DENND4A: variants seen among roughly 807,000 people sequenced by gnomAD.
The protein encoded by DENND4A is DENN domain containing 4A.
A neutral mutation model predicts 199.3 loss-of-function variants in DENND4A; 70 were observed. That is an observed-to-expected ratio of 0.35 (90% confidence interval 0.29 to 0.43). The LOEUF (loss-of-function observed/expected upper bound fraction) is 0.43. DENND4A is among the 20% of genes least tolerant of loss of function. The probability of loss-of-function intolerance (pLI) is 1.00; values close to 1 mark genes in which losing one functional copy is unlikely to be tolerated. For synonymous variants in DENND4A, 686 were observed against 766.9 expected (o/e 0.89, Z 1.74); for missense variants, 1,723 against 2,255.8 (o/e 0.76, Z 4.78).
intron 21 of DENND4A, chr15:65,696,993 A>G: frequency 3.0e-6 from 1 of 336,916 alleles, no homozygotes; most frequent in South Asian, 3.7e-5. Context: ...AGAAATGTAT[A>G]TACAGTTCTA....
chr15:65,665,534 TA>T, intron 29 of DENND4A, 72 bp from the exon 30 acceptor site: 1 of 1,208,592 alleles, frequency 8.3e-7, no homozygotes, highest in Non-Finnish European at 1.1e-6. Flanking sequence ...ATAAAATTCT[TA>T]TAAATATTTT....
At position 65,701,081 on chromosome 15, in the gene DENND4A, G is replaced by A; in HGVS notation, c.2671C>T (p.His891Tyr). 1 of 1,608,646 alleles carries A rather than the reference G, an allele frequency of 6.2e-7. No homozygotes were observed. Among genetic ancestry groups the A allele is most frequent in the South Asian group, 1.1e-5 (1 of 89,452 alleles). Residue 891 changes from histidine to tyrosine, a missense_variant, in exon 19 of 33, where the codon CAT (histidine) becomes TAT (tyrosine). His to Tyr is a moderately conservative substitution (Grantham distance 83). Around this residue, in one of 6 missense-constraint regions of DENND4A, gnomAD observed 650 missense variants for 738.1 expected, o/e 0.88. Transcript: ENST00000443035. ...AGAGTTGTTTGTGATAAGTGTGCAT[G>A]CTTCTTTAAAGCTCTTTTGAACTGT... is the stretch of plus-strand genomic sequence containing the variant. ...VTQFKRALKKHAHLSQTTLSA... is the reference protein window; with the variant it reads ...VTQFKRALKKYAHLSQTTLSA...
At chr15:65,719,022 C>T (rs765823199) in intron 12 of DENND4A, among the ~76,000 whole-genome samples, 12 of 151,522 alleles carry the variant, frequency 7.9e-5, no homozygotes, top group African/African-American at 2.7e-4. Context: ...TCAGGTGATC[C>T]GCCTACCTTG....
intron 19 of DENND4A, 99 bp downstream of exon 19, chr15:65,700,952 A>C: frequency 7.4e-7 from 1 of 1,350,354 alleles, no homozygotes; most frequent in Non-Finnish European, 1.0e-6. Flanking sequence ...CTAAAAACTA[A>C]AACATTCAAT....
chr15:65,686,575 T>G (rs1318771065), intron 23 of DENND4A, among the ~76,000 whole-genome samples: 1 of 152,300 alleles, frequency 6.6e-6, no homozygotes, highest in East Asian at 1.9e-4. Flanking sequence ...ATAATCAATA[T>G]TTTTCAGAGA....
chr15:65,752,332 C>G (rs2140622524), intron 4 of DENND4A, 47 bp downstream of exon 4: 3 of 323,888 alleles, frequency 9.3e-6, no homozygotes, highest in Non-Finnish European at 1.7e-5. Flanking sequence ...TAAAATTATG[C>G]TCTTTTCATC....
At chr15:65,701,308 T>A in intron 18 of DENND4A, 116 bp from the exon 19 acceptor site, 1 of 878,230 alleles carries the variant, frequency 1.1e-6, no homozygotes, top group Non-Finnish European at 1.6e-6. Context: ...GGCTCATGCC[T>A]GTAATCCCAG....
chr15:65,775,505 G>A (rs1465837627), intron 1 of DENND4A, among the ~76,000 whole-genome samples: 1 of 151,306 alleles, frequency 6.6e-6, no homozygotes, highest in African/African-American at 2.4e-5. Flanking sequence ...GCCGGGTGTG[G>A]TGATGCATGC....
At chr15:65,736,095 T>G (rs1168996734) in intron 7 of DENND4A, among the ~76,000 whole-genome samples, 1 of 152,170 alleles carries the variant, frequency 6.6e-6, no homozygotes, top group Non-Finnish European at 1.5e-5. Flanking sequence ...GGGGGTGATA[T>G]TAACAAATGT....
intron 32 of DENND4A, 119 bp from the exon 33 acceptor site, chr15:65,662,106 A>T: frequency 1.2e-6 from 1 of 806,960 alleles, no homozygotes; most frequent in Non-Finnish European, 1.9e-6. Flanking sequence ...AATTGCTAGG[A>T]CATTTCTTTA....
chr15:65,667,730 G>A lies in DENND4A; in HGVS notation c.4987-27C>T, dbSNP rs149498131. The A allele has an allele frequency of 3.1e-3, 4,971 of 1,589,966 alleles. 12 individuals carry two copies. Among genetic ancestry groups the A allele is most frequent in the Admixed American group, 4.5e-3 (244 of 54,696 alleles). ...TGTTGAATAAATAAAAACCATAAAT[G>A]GCAAATGCAAAATAATACTAAGCCA... On this transcript the variant is annotated intron_variant, in intron 28 of 32. Coordinates refer to ENST00000443035, the MANE Select transcript of DENND4A (RefSeq NM_001320835.1).
chr15:65,774,834 T>C (rs938377386), intron 1 of DENND4A, among the ~76,000 whole-genome samples: 1 of 150,934 alleles, frequency 6.6e-6, no homozygotes, highest in Non-Finnish European at 1.5e-5. Flanking sequence ...TAAAAAAAAA[T>C]TTTGTGGATA....
rs755998669 is a variant in DENND4A, at chr15:65,729,676, C to A, written c.1169G>T (p.Gly390Val). The A allele has an allele frequency of 6.5e-7, 1 of 1,547,220 alleles. No individual in the cohort carries two copies. The highest frequency in any genetic ancestry group is 2.4e-5 in the East Asian group (1 of 40,944). Reference sequence around the variant, plus strand: ...CTGCAGTAGTGTTGAAAACTTGCCACCACTGTCAATCCAAACAAAAATATA... The same window carrying A: ...CTGCAGTAGTGTTGAAAACTTGCCAACACTGTCAATCCAAACAAAAATATA... The part of the protein sequence containing the change: ...QPVSSPLPLS[G>V]GKFSTLLQNL... Residue 390 changes from glycine (G) to valine (V), a missense_variant and splice_region_variant, in exon 10 of 33, where the codon GGT (glycine) becomes GTT (valine). By Grantham distance (109) the Gly-to-Val change is moderately radical (BLOSUM62 -3). Around this residue, in one of 6 missense-constraint regions of DENND4A, gnomAD observed 725 missense variants for 952.9 expected, o/e 0.76. Coordinates refer to ENST00000443035, the MANE Select transcript of DENND4A (RefSeq NM_001320835.1).
intron 14 of DENND4A, among the ~76,000 whole-genome samples, chr15:65,709,719 A>AAAAAATACATATAT (rs1218030026): frequency 1.9e-5 from 1 of 51,470 alleles, no homozygotes; most frequent in Non-Finnish European, 3.1e-5. Context: ...AAAAAAAAAA[A>AAAAAATACATATAT]ATATATATAT....
chr15:65,770,393 C>A (rs2077097464), intron 1 of DENND4A, among the ~76,000 whole-genome samples: 1 of 152,134 alleles, frequency 6.6e-6, no homozygotes, highest in African/African-American at 2.4e-5. Flanking sequence ...TTGTAAATGA[C>A]ATAACTGCAC....
Position 65,673,872 on chromosome 15 carries a change from C to A in DENND4A, c.4370-1986G>T, listed in dbSNP as rs115130290. Among the ~76,000 whole-genome samples, 837 of 152,234 alleles carry A rather than the reference C, an allele frequency of 5.5e-3. 6 individuals carry two copies. Among genetic ancestry groups the A allele is most frequent in the African/African-American group, 0.02 (810 of 41,538 alleles). On this transcript the variant is annotated intron_variant, in intron 24 of 32. Coordinates refer to ENST00000443035, the MANE Select transcript of DENND4A (RefSeq NM_001320835.1). ...TAGCCTTGAGTATCATTTATTTGAGCAGCCTACCTTTTGTATCTAACTAAT... is the reference window on the plus strand; with the variant it reads ...TAGCCTTGAGTATCATTTATTTGAGAAGCCTACCTTTTGTATCTAACTAAT...
chr15:65,727,417 C>T (rs2075834145), intron 11 of DENND4A, among the ~76,000 whole-genome samples: 1 of 143,972 alleles, frequency 6.9e-6, no homozygotes, highest in East Asian at 2.1e-4. Context: ...CGCATCACTG[C>T]ACTCCAGCCT....
chr15:65,744,743 T>A (rs2076345023), intron 4 of DENND4A, among the ~76,000 whole-genome samples: 1 of 152,220 alleles, frequency 6.6e-6, no homozygotes, highest in South Asian at 2.1e-4. Context: ...CTGAACTTTG[T>A]ATCTATTTTG....
At chr15:65,752,944 C>T (rs1320530924) in intron 3 of DENND4A, among the ~76,000 whole-genome samples, 1 of 152,162 alleles carries the variant, frequency 6.6e-6, no homozygotes, top group African/African-American at 2.4e-5. Flanking sequence ...GTCTCTAAAA[C>T]AAGCACCTTC....
Sources: allele counts gnomAD v4.1 joint callset (sites outside exome capture counted in the v4.1 genomes callset), GRCh38; gene constraint gnomAD v4.1.1; regional missense constraint gnomAD v4.1.1; transcripts MANE v1.5; gene names NCBI Gene and HGNC (gene_info 2026-07-23, HGNC 2026-07-21).